SORCS2: variants seen among roughly 807,000 people sequenced by gnomAD.
SORCS2 encodes the protein VPS10 domain-containing receptor SorCS2.
A neutral mutation model predicts 141.6 loss-of-function variants in SORCS2; 100 were observed. The ratio of observed to expected loss-of-function variants is 0.71; its 90% CI spans 0.60 to 0.83. The LOEUF (loss-of-function observed/expected upper bound fraction) is 0.83, where lower values mean the gene tolerates loss of function less well. Among genes scored for constraint, SORCS2 ranks in the 40% least tolerant of loss-of-function variants. SORCS2 has a pLI of 0.00. For synonymous variants in SORCS2, 789 were observed against 676.9 expected, an observed-to-expected ratio of 1.17 and a Z score of -2.57; for missense variants, 1,646 against 1,560.2, an observed-to-expected ratio of 1.05 and a Z score of -0.93.
At chr4:7,633,683 C>G (rs559959532) in intron 3 of SORCS2, among the ~76,000 whole-genome samples, 2 of 152,186 alleles carry the variant, frequency 1.3e-5, no homozygotes, top group South Asian at 2.1e-4. Context: ...CTTAAATGTT[C>G]GTAAGGTTGT....
intron 1 of SORCS2, among the ~76,000 whole-genome samples, chr4:7,301,763 A>C (rs1560175628): frequency 6.6e-6 from 1 of 152,198 alleles, no homozygotes; most frequent in East Asian, 1.9e-4. Context: ...TTTTTCCATG[A>C]GCTGCGCTGG....
chr4:7,263,963 C>T (rs1051576909), intron 1 of SORCS2, among the ~76,000 whole-genome samples: 3 of 152,200 alleles, frequency 2.0e-5, no homozygotes, highest in African/African-American at 7.2e-5. Context: ...CATTCACTCA[C>T]TGACTCATTC....
intron 1 of SORCS2, among the ~76,000 whole-genome samples, chr4:7,379,365 A>C (rs1722847134): frequency 6.6e-6 from 1 of 152,174 alleles, no homozygotes; most frequent in Non-Finnish European, 1.5e-5. Context: ...GCGAGGTTGC[A>C]CCAGGCAGAG....
chr4:7,712,381 C>T (rs1035308307), intron 14 of SORCS2, among the ~76,000 whole-genome samples: 1 of 152,242 alleles, frequency 6.6e-6, no homozygotes, highest in Non-Finnish European at 1.5e-5. Context: ...GCAAGGACCA[C>T]TGTGGGGGCC....
At chr4:7,330,877 T>G (rs991406803) in intron 1 of SORCS2, among the ~76,000 whole-genome samples, 1 of 152,066 alleles carries the variant, frequency 6.6e-6, no homozygotes, top group East Asian at 2.0e-4. Context: ...AGACGTGGAC[T>G]CGCGGCCGCC....
chr4:7,421,057 G>T (rs1285082876), intron 2 of SORCS2, among the ~76,000 whole-genome samples: 1 of 152,198 alleles, frequency 6.6e-6, no homozygotes, highest in Non-Finnish European at 1.5e-5. Context: ...CTGGTTCCCA[G>T]TTCTCTCTTG....
chr4:7,429,611 G>A (rs956228644), intron 2 of SORCS2, among the ~76,000 whole-genome samples: 22 of 152,238 alleles, frequency 1.4e-4, no homozygotes, highest in African/African-American at 5.1e-4. Flanking sequence ...CCCTTCCTCT[G>A]TGCATGCACC....
intron 2 of SORCS2, among the ~76,000 whole-genome samples, chr4:7,523,638 A>G (rs1377026308): frequency 6.6e-6 from 1 of 152,030 alleles, no homozygotes; most frequent in Non-Finnish European, 1.5e-5. Flanking sequence ...CGGGGCAGCA[A>G]CTGAATGGGC....
At chr4:7,496,801 C>T (rs899192967) in intron 2 of SORCS2, among the ~76,000 whole-genome samples, 6 of 152,222 alleles carry the variant, frequency 3.9e-5, no homozygotes, top group African/African-American at 1.2e-4. Context: ...AAACAAAGGA[C>T]CTTCCCATCC....
At chr4:7,389,455 C>T (rs1162599287) in intron 1 of SORCS2, among the ~76,000 whole-genome samples, 2 of 152,196 alleles carry the variant, frequency 1.3e-5, no homozygotes, top group African/African-American at 4.8e-5. Flanking sequence ...TCCATGTCCA[C>T]ACCTGGACGA....
At chr4:7,662,654 A>G (rs181148372) in intron 6 of SORCS2, among the ~76,000 whole-genome samples, 8 of 152,284 alleles carry the variant, frequency 5.3e-5, no homozygotes, top group African/African-American at 1.7e-4. Flanking sequence ...GCATCACACC[A>G]CGTTGTCAGG....
chr4:7,358,756 G>A (rs937624007), intron 1 of SORCS2, among the ~76,000 whole-genome samples: 4 of 152,182 alleles, frequency 2.6e-5, no homozygotes, highest in Admixed American at 6.5e-5. Context: ...CTTCATGAGC[G>A]ATTTTGGGGG....
At chr4:7,718,795 A>G (rs1222686881) in intron 18 of SORCS2, among the ~76,000 whole-genome samples, 1 of 152,214 alleles carries the variant, frequency 6.6e-6, no homozygotes, top group East Asian at 1.9e-4. Context: ...TTTGGAAAAC[A>G]CACACAAAAT....
intron 3 of SORCS2, among the ~76,000 whole-genome samples, chr4:7,604,590 C>A (rs557645523): frequency 6.6e-6 from 1 of 152,308 alleles, no homozygotes; most frequent in East Asian, 1.9e-4. Context: ...TGAGCCGCCG[C>A]GCCCGGCCTA....
At chr4:7,652,816 C>A (rs1205834139) in intron 4 of SORCS2, among the ~76,000 whole-genome samples, 1 of 152,156 alleles carries the variant, frequency 6.6e-6, no homozygotes, top group African/African-American at 2.4e-5. Context: ...TCTTATCCGG[C>A]CTTGGTTGGT....
intron 3 of SORCS2, among the ~76,000 whole-genome samples, chr4:7,629,447 C>G (rs1254229849): frequency 2.0e-5 from 3 of 151,902 alleles, no homozygotes; most frequent in Admixed American, 6.6e-5. Context: ...GCAGGCCCAG[C>G]TGAGAGGTGA....
At chr4:7,210,976 C>T (rs916617886) in intron 1 of SORCS2, among the ~76,000 whole-genome samples, 1 of 152,160 alleles carries the variant, frequency 6.6e-6, no homozygotes, top group Non-Finnish European at 1.5e-5. Flanking sequence ...GGTGACCTGG[C>T]CTGGGTGGAG....
chr4:7,345,061 T>G (rs1474971737), intron 1 of SORCS2, among the ~76,000 whole-genome samples: 2 of 152,080 alleles, frequency 1.3e-5, no homozygotes, highest in Non-Finnish European at 2.9e-5. Flanking sequence ...GCCACAAGTT[T>G]CCTCCCAGGG....
At chr4:7,320,625 T>A (rs1009278245) in intron 1 of SORCS2, among the ~76,000 whole-genome samples, 1 of 152,212 alleles carries the variant, frequency 6.6e-6, no homozygotes, top group Admixed American at 6.5e-5. Flanking sequence ...GGAGGCTGTT[T>A]CCCAGTGGAA....
Sources: gnomAD v4.1 joint callset for allele counts (sites outside exome capture counted in the v4.1 genomes callset) on GRCh38, gnomAD v4.1.1 for gene constraint, MANE v1.5 for transcripts, NCBI Gene and HGNC (gene_info 2026-07-23, HGNC 2026-07-21) for gene names.